NECAB1: variants seen among roughly 807,000 people sequenced by gnomAD.
NECAB1 encodes N-terminal EF-hand calcium binding protein 1, also known as N-terminal EF-hand calcium-binding protein 1.
Under a neutral mutation model 57.5 loss-of-function variants are expected in NECAB1, and 29 were observed. The ratio of observed to expected loss-of-function variants is 0.50; its 90% CI spans 0.38 to 0.69. The LOEUF is 0.69. NECAB1 is among the 30% of genes least tolerant of loss of function. The pLI, the probability that NECAB1 is intolerant of heterozygous loss-of-function variation, is 0.00. For synonymous variants in NECAB1, 142 were observed against 147.7 expected (o/e 0.96, Z 0.28); for missense variants, 372 against 413.8 (o/e 0.90, Z 0.88).
chr8:90,912,479 TATTA>T (rs1339333972), intron 5 of NECAB1, among the ~76,000 whole-genome samples: 1 of 152,212 alleles, frequency 6.6e-6, no homozygotes, highest in Non-Finnish European at 1.5e-5. Flanking sequence ...TATTTCAATT[TATTA>T]ATTGTTTAAT....
At chr8:90,823,137 G>A (rs573492823) in intron 2 of NECAB1, among the ~76,000 whole-genome samples, 17 of 151,902 alleles carry the variant, frequency 1.1e-4, no homozygotes, top group Non-Finnish European at 2.5e-4. Context: ...ACTTCATTTT[G>A]CAATGGGTTG....
At chr8:90,808,640 CTTTTTTTTTTTTT>C (rs200075536) in intron 2 of NECAB1, among the ~76,000 whole-genome samples, 7 of 81,278 alleles carry the variant, frequency 8.6e-5, no homozygotes, top group South Asian at 4.8e-4. Flanking sequence ...TTTTTCTTTT[CTTTTTTTTTTTTT>C]TTTTTTTTTT....
intron 3 of NECAB1, among the ~76,000 whole-genome samples, chr8:90,837,420 T>G (rs1160283315): frequency 6.6e-6 from 1 of 152,218 alleles, no homozygotes; most frequent in Admixed American, 6.5e-5. Context: ...AAGGGATGGT[T>G]TGCATCCTGG....
intron 5 of NECAB1, among the ~76,000 whole-genome samples, chr8:90,912,853 G>A (rs903721520): frequency 2.6e-5 from 4 of 152,144 alleles, no homozygotes; most frequent in African/African-American, 9.7e-5. Flanking sequence ...GTAGAAAAGA[G>A]CAAAAGACAA....
At chr8:90,879,682 G>A (rs143489774) in intron 4 of NECAB1, among the ~76,000 whole-genome samples, 355 of 152,246 alleles carry the variant, frequency 2.3e-3, no homozygotes, top group Non-Finnish European at 4.2e-3. Flanking sequence ...TTGATGAAGA[G>A]TGTTCATTTG....
intron 3 of NECAB1, among the ~76,000 whole-genome samples, chr8:90,869,967 G>A (rs1307700937): frequency 3.9e-5 from 6 of 152,172 alleles, no homozygotes; most frequent in Non-Finnish European, 8.8e-5. Context: ...CTGGTGGGAC[G>A]TGATTGGGTC....
At chr8:90,803,421 C>T (rs1165263209) in intron 2 of NECAB1, among the ~76,000 whole-genome samples, 2 of 152,160 alleles carry the variant, frequency 1.3e-5, no homozygotes. Context: ...GCTATACTTT[C>T]ATTTCCTAGA....
intron 5 of NECAB1, among the ~76,000 whole-genome samples, chr8:90,895,621 GTTTA>G (rs1809308457): frequency 6.6e-6 from 1 of 152,174 alleles, no homozygotes; most frequent in Non-Finnish European, 1.5e-5. Flanking sequence ...TTTGTTGCAG[GTTTA>G]TTTTTCAGCA....
chr8:90,848,089 G>A (rs1485327932), intron 3 of NECAB1, among the ~76,000 whole-genome samples: 1 of 152,148 alleles, frequency 6.6e-6, no homozygotes, highest in African/African-American at 2.4e-5. Context: ...TTTATGGTTT[G>A]CTTCCTCTTG....
At chr8:90,947,291 G>T (rs1328748360) in intron 10 of NECAB1, among the ~76,000 whole-genome samples, 1 of 62,318 alleles carries the variant, frequency 1.6e-5, no homozygotes, top group Non-Finnish European at 2.5e-5. Flanking sequence ...TAGCTATTGG[G>T]CTAACAACAC....
chr8:90,882,664 G>A (rs916382483), intron 5 of NECAB1, among the ~76,000 whole-genome samples: 1 of 152,034 alleles, frequency 6.6e-6, no homozygotes, highest in African/African-American at 2.4e-5. Flanking sequence ...AAAAGAAAAG[G>A]TCATCTCAAT....
intron 1 of NECAB1, among the ~76,000 whole-genome samples, chr8:90,797,426 G>A (rs571670372): frequency 1.3e-5 from 2 of 152,284 alleles, no homozygotes; most frequent in South Asian, 2.1e-4. Context: ...AATGAAAGGA[G>A]GATAATGTTT....
chr8:90,888,000 T>C (rs1434602889), intron 5 of NECAB1, among the ~76,000 whole-genome samples: 12 of 152,184 alleles, frequency 7.9e-5, no homozygotes, highest in Non-Finnish European at 1.5e-4. Context: ...TCCCTATTAG[T>C]AATCATTTTT....
At chr8:90,810,869 C>T (rs965608089) in intron 2 of NECAB1, among the ~76,000 whole-genome samples, 1 of 151,904 alleles carries the variant, frequency 6.6e-6, no homozygotes. Context: ...TCGGGGACAA[C>T]ATTGTCCTCT....
intron 3 of NECAB1, among the ~76,000 whole-genome samples, chr8:90,860,546 G>A (rs1812882886): frequency 6.6e-6 from 1 of 152,140 alleles, no homozygotes. Flanking sequence ...TTCAAGGATA[G>A]ATTTAGGACA....
At chr8:90,823,348 C>T (rs1255167239) in intron 2 of NECAB1, among the ~76,000 whole-genome samples, 3 of 151,644 alleles carry the variant, frequency 2.0e-5, no homozygotes, top group Admixed American at 6.6e-5. Context: ...AATTTAAAAC[C>T]TTCCAGGACT....
At chr8:90,874,285 G>C (rs1982785) in intron 4 of NECAB1, among the ~76,000 whole-genome samples, 3 of 152,000 alleles carry the variant, frequency 2.0e-5, no homozygotes, top group Non-Finnish European at 2.9e-5. Flanking sequence ...AAGCCAATTA[G>C]AAGTTGCAGG....
chr8:90,849,582 T>C (rs1022963482), intron 3 of NECAB1, among the ~76,000 whole-genome samples: 1 of 150,678 alleles, frequency 6.6e-6, no homozygotes. Flanking sequence ...GATTGACTTA[T>C]AGGTTAATAT....
chr8:90,929,305 C>A (rs1159722005), intron 8 of NECAB1, among the ~76,000 whole-genome samples: 1 of 152,016 alleles, frequency 6.6e-6, no homozygotes, highest in South Asian at 2.1e-4. Flanking sequence ...TCAAGTGGGG[C>A]CTTAAAAATG....
Sources: gnomAD v4.1 joint callset for allele counts (sites outside exome capture counted in the v4.1 genomes callset) on GRCh38, gnomAD v4.1.1 for gene constraint, MANE v1.5 for transcripts, NCBI Gene and HGNC (gene_info 2026-07-23, HGNC 2026-07-21) for gene names.